The following NTAQ1 variants were observed in gnomAD, a reference collection of about 807,000 sequenced individuals.
NTAQ1 encodes the protein N-terminal glutamine amidase 1.
In NTAQ1, 21 loss-of-function variants were observed where a neutral mutation model predicts 28.2. The observed-to-expected ratio is 0.74, with a 90% CI of 0.53 to 1.07. NTAQ1 has a LOEUF of 1.07. Among genes scored for constraint, NTAQ1 ranks in the 50% least tolerant of loss-of-function variants. The pLI is 0.00. For missense variants in NTAQ1, 264 were observed against 256.6 expected, an observed-to-expected ratio of 1.03 and a Z score of -0.20; for synonymous variants, 105 against 90.0, an observed-to-expected ratio of 1.17 and a Z score of -0.94.
downstream of NTAQ1, among the ~76,000 whole-genome samples, chr8:123,449,946 T>A (rs1223857486): frequency 4.2e-5 from 1 of 23,792 alleles, no homozygotes; most frequent in Non-Finnish European, 1.0e-4. Flanking sequence ...TGTGTGTGTG[T>A]GTGCATATAT....
chr8:123,416,743 G>C (rs1813311882), upstream of NTAQ1: 30 of 1,064,356 alleles, frequency 2.8e-5, no homozygotes, highest in Admixed American at 8.0e-5. Flanking sequence ...CCCGGGCTCC[G>C]CCCACCCCAC....
intron 6 of NTAQ1, among the ~76,000 whole-genome samples, chr8:123,463,782 A>G (rs28570131): frequency 0.31 from 46,629 of 151,930 alleles, 7,791 homozygotes; most frequent in South Asian, 0.46. Flanking sequence ...TGCAATCCCT[A>G]CTCAGCCAAT....
chr8:123,421,357 G>A (rs111781523), intron 1 of NTAQ1, among the ~76,000 whole-genome samples: 2,905 of 152,324 alleles, frequency 0.019, 102 homozygotes, highest in African/African-American at 0.066. Flanking sequence ...TGGGATTACA[G>A]ATGTGAGCTA....
At chr8:123,462,508 T>G (rs1279346614) in intron 6 of NTAQ1, among the ~76,000 whole-genome samples, 1 of 152,146 alleles carries the variant, frequency 6.6e-6, no homozygotes, top group Non-Finnish European at 1.5e-5. Context: ...CTTAGAAGCC[T>G]CCTCAAAAAG....
At chr8:123,453,814 CA>C (rs2130389027) in intron 6 of NTAQ1, among the ~76,000 whole-genome samples, 1 of 152,270 alleles carries the variant, frequency 6.6e-6, no homozygotes, top group Non-Finnish European at 1.5e-5. Context: ...CCTCATGTTA[CA>C]AATTAGGAAA....
chr8:123,475,062 G>C, the NTAQ1 span, among the ~76,000 whole-genome samples: 6 of 152,238 alleles, frequency 3.9e-5, no homozygotes, highest in East Asian at 1.2e-3. Context: ...TTCTCTAAGA[G>C]AGAGTTATTC....
chr8:123,449,974 T>TATATATATATAGATATATATGA (rs371673968), downstream of NTAQ1, among the ~76,000 whole-genome samples: 1 of 56,084 alleles, frequency 1.8e-5, no homozygotes, highest in African/African-American at 7.0e-5. Context: ...TATATATATA[T>TATATATATATAGATATATATGA]GCTGGATAAA....
At chr8:123,441,022 A>G (rs767192260) in intron 5 of NTAQ1, among the ~76,000 whole-genome samples, 11 of 143,154 alleles carry the variant, frequency 7.7e-5, no homozygotes, top group Non-Finnish European at 1.5e-4. Flanking sequence ...AGAGAAGATC[A>G]GTACTTAGCC....
chr8:123,430,648 G>A (rs1366839637), intron 3 of NTAQ1, among the ~76,000 whole-genome samples: 2 of 152,178 alleles, frequency 1.3e-5, no homozygotes, highest in Non-Finnish European at 2.9e-5. Flanking sequence ...GAGCCTGGTG[G>A]CACTCACCTG....
intron 1 of NTAQ1, among the ~76,000 whole-genome samples, chr8:123,419,712 A>G (rs1177949514): frequency 6.7e-6 from 1 of 148,332 alleles, no homozygotes; most frequent in African/African-American, 2.5e-5. Flanking sequence ...TGATCAGCTG[A>G]CAGCTTGGGG....
chr8:123,421,685 T>C (rs1386590626), intron 1 of NTAQ1, among the ~76,000 whole-genome samples: 1 of 132,072 alleles, frequency 7.6e-6, no homozygotes, highest in East Asian at 2.7e-4. Context: ...AGTTTTGTAT[T>C]TTTCTTTTCT....
chr8:123,464,482 G>A (rs1434231274), intron 6 of NTAQ1, among the ~76,000 whole-genome samples: 1 of 152,176 alleles, frequency 6.6e-6, no homozygotes, highest in Non-Finnish European at 1.5e-5. Context: ...GGAGGAGGAA[G>A]GGTAGAGAGA....
At chr8:123,454,063 C>T (rs760847594) in intron 6 of NTAQ1, among the ~76,000 whole-genome samples, 2 of 152,148 alleles carry the variant, frequency 1.3e-5, no homozygotes, top group Non-Finnish European at 2.9e-5. Context: ...ATGAAGTGTC[C>T]TTCACAGCTG....
chr8:123,463,111 T>G (rs1005709346), intron 6 of NTAQ1, among the ~76,000 whole-genome samples: 4 of 152,224 alleles, frequency 2.6e-5, no homozygotes, highest in African/African-American at 7.2e-5. Context: ...TCTTTCTCAC[T>G]GAAAAACACA....
intron 6 of NTAQ1, among the ~76,000 whole-genome samples, chr8:123,454,804 C>T (rs769447344): frequency 6.6e-6 from 1 of 152,224 alleles, no homozygotes; most frequent in Non-Finnish European, 1.5e-5. Flanking sequence ...TCACCTACCC[C>T]TGGGGACCAC....
chr8:123,430,131 G>A, intron 3 of NTAQ1, 98 bp downstream of exon 3: 1 of 783,534 alleles, frequency 1.3e-6, no homozygotes, highest in Admixed American at 2.4e-5. Context: ...AAGCAGTAGA[G>A]AAAGGCTATG....
rs1423955353 is a variant in NTAQ1 at position 123,462,245 on chromosome 8, A to G, written c.373-4834A>G. ...GTATTTTTAGTATAGAAAGGGTTTC[A>G]TCATGCTCTCCAGGTTGGTCTTGAA... is the stretch of plus-strand genomic sequence containing the variant. On this transcript the variant is annotated intron_variant, in intron 6 of 6. Transcript: ENST00000650311. Among the ~76,000 whole-genome samples the G allele has an allele frequency of 3.3e-5, 5 of 152,234 alleles. No individual in the cohort carries two copies. In the East Asian group the frequency reaches 9.7e-4, roughly 29 times the overall value.
At chr8:123,455,421 ATTTTT>A (rs925294146) in intron 6 of NTAQ1, among the ~76,000 whole-genome samples, 2 of 115,482 alleles carry the variant, frequency 1.7e-5, no homozygotes, top group Non-Finnish European at 1.7e-5. Context: ...ATGCCCAGAA[ATTTTT>A]TTTTTTTTTT....
intron 1 of NTAQ1, among the ~76,000 whole-genome samples, chr8:123,419,101 T>G (rs1813501797): frequency 9.2e-6 from 1 of 108,616 alleles, no homozygotes; most frequent in Non-Finnish European, 2.2e-5. Context: ...TTTTTTTTTT[T>G]TTTTTTTTTT....
Sources: allele counts gnomAD v4.1 joint callset (sites outside exome capture counted in the v4.1 genomes callset), GRCh38; gene constraint gnomAD v4.1.1; transcripts MANE v1.5; gene names NCBI Gene and HGNC (gene_info 2026-07-23, HGNC 2026-07-21).